S100A8: variants seen among roughly 807,000 people sequenced by gnomAD.
The protein encoded by S100A8 is S100 calcium binding protein A8, also known as protein S100-A8.
In S100A8, 1 loss-of-function variant was observed where a neutral mutation model predicts 4.2. That is an observed-to-expected ratio of 0.24 (90% confidence interval 0.08 to 1.12). The LOEUF (loss-of-function observed/expected upper bound fraction) is 1.12. S100A8 is among the 50% of genes most tolerant of loss of function. The pLI, the probability that S100A8 is intolerant of heterozygous loss-of-function variation, is 0.53. For synonymous variants in S100A8, 41 were observed against 44.7 expected, an observed-to-expected ratio of 0.92 and a Z score of 0.33; for missense variants, 96 against 111.8, an observed-to-expected ratio of 0.86 and a Z score of 0.64.
At chr1:153,417,925 CCATCA>C in the S100A8 span, 2 of 990,448 alleles carry the variant, frequency 2.0e-6, no homozygotes, top group Non-Finnish European at 2.8e-6. Context: ...ACAACTTATC[CCATCA>C]CATTTAAAAA....
upstream of S100A8, among the ~76,000 whole-genome samples, chr1:153,396,022 G>A (rs563278376): frequency 1.3e-3 from 202 of 152,320 alleles, no homozygotes; most frequent in African/African-American, 4.7e-3. Flanking sequence ...GTGAGTGAGT[G>A]ACCACAAGCG....
chr1:153,394,930 A>G (rs1290142840), upstream of S100A8, among the ~76,000 whole-genome samples: 3 of 152,162 alleles, frequency 2.0e-5, no homozygotes, highest in Non-Finnish European at 4.4e-5. Flanking sequence ...AGCTCAGGAC[A>G]CCGGTTCCCA....
At chr1:153,421,106 C>A in the S100A8 span, 1 of 152,196 alleles carries the variant, frequency 6.6e-6, no homozygotes, top group African/African-American at 2.4e-5. Context: ...GCGCAACATA[C>A]CCCCCATCAA....
At chr1:153,422,220 G>T in the S100A8 span, 2 of 152,250 alleles carry the variant, frequency 1.3e-5, no homozygotes, top group African/African-American at 4.8e-5. Context: ...GACCATCTCC[G>T]CAACCACAGC....
chr1:153,405,296 G>A, the S100A8 span, among the ~76,000 whole-genome samples: 1 of 150,028 alleles, frequency 6.7e-6, no homozygotes, highest in Non-Finnish European at 1.5e-5. Flanking sequence ...TAACAGAATT[G>A]ACAGTAAATC....
At chr1:153,419,600 C>T in the S100A8 span, 1 of 409,946 alleles carries the variant, frequency 2.4e-6, no homozygotes, top group Non-Finnish European at 4.4e-6. Flanking sequence ...TGGCAGGTTC[C>T]AGGTGGAAGT....
upstream of S100A8, chr1:153,391,285 C>T (rs1416510438): frequency 3.6e-6 from 3 of 831,964 alleles, no homozygotes; most frequent in Non-Finnish European, 4.3e-6. Flanking sequence ...GCAATAGTGC[C>T]CAGAAGGAAA....
At chr1:153,402,620 C>CTAA in the S100A8 span, among the ~76,000 whole-genome samples, 1 of 152,128 alleles carries the variant, frequency 6.6e-6, no homozygotes, top group African/African-American at 2.4e-5. Context: ...GGATGGGAAG[C>CTAA]CACTAAAAGT....
the S100A8 span, among the ~76,000 whole-genome samples, chr1:153,402,159 A>G: frequency 6.6e-6 from 1 of 152,196 alleles, no homozygotes; most frequent in African/African-American, 2.4e-5. Context: ...GCTGCTGGAG[A>G]GTGAGAAGAT....
the S100A8 span, among the ~76,000 whole-genome samples, chr1:153,412,574 G>A: frequency 5.1e-3 from 773 of 152,258 alleles, 2 homozygotes; most frequent in Non-Finnish European, 7.2e-3. Flanking sequence ...ACAGTGTGGC[G>A]ATTCCTCAAG....
At chr1:153,414,700 T>C in the S100A8 span, among the ~76,000 whole-genome samples, 2 of 152,334 alleles carry the variant, frequency 1.3e-5, no homozygotes, top group East Asian at 3.9e-4. Context: ...GAAGACAGTT[T>C]GGTGCTTTCT....
Position 153,390,493 on chromosome 1 carries a change from C to T in S100A8, c.43G>A (p.Val15Ile), listed in dbSNP as rs1420328367. 13 of 1,614,012 alleles carry T rather than the reference C, an allele frequency of 8.1e-6. No individual in the cohort carries two copies. Among genetic ancestry groups the T allele is most frequent in the South Asian group, 4.4e-5 (4 of 91,090 alleles). ...TTTATCAGGGAGTACTTGTGGTAGA[C>T]GTCGATGATAGAGTTCAAGGCTTTC... is the stretch of plus-strand genomic sequence containing the variant. ...LEKALNSIID[V>I]YHKYSLIKGN... The change falls in exon 2 of 3, where the codon GTC becomes ATC. Residue 15 changes from valine (V) to isoleucine (I), a missense_variant. Physicochemically the swap from Val to Ile is conservative, Grantham distance 29 (BLOSUM62 3). Transcript: ENST00000368733.
chr1:153,391,663 C>CT (rs1662101449), upstream of S100A8, among the ~76,000 whole-genome samples: 1 of 152,150 alleles, frequency 6.6e-6, no homozygotes, highest in African/African-American at 2.4e-5. Context: ...TTGCCAAGGG[C>CT]TATATCCATT....
the S100A8 span, chr1:153,396,538 C>T: frequency 6.5e-6 from 1 of 152,822 alleles, no homozygotes; most frequent in South Asian, 2.1e-4. Flanking sequence ...ATATCAAGGT[C>T]ACACCTCCTC....
At chr1:153,407,940 G>T in the S100A8 span, among the ~76,000 whole-genome samples, 1 of 152,144 alleles carries the variant, frequency 6.6e-6, no homozygotes, top group Non-Finnish European at 1.5e-5. Context: ...CAAACAGAAA[G>T]GACATCCACG....
At chr1:153,419,359 C>G in the S100A8 span, 1 of 1,545,178 alleles carries the variant, frequency 6.5e-7, no homozygotes, top group Non-Finnish European at 8.8e-7. Context: ...ATAAGTGTCT[C>G]CTCCCACCAG....
chr1:153,390,423 A>G lies in S100A8; in HGVS notation c.113T>C (p.Leu38Pro), dbSNP rs1401150631. The G allele has an allele frequency of 1.2e-6, 2 of 1,614,180 alleles. No individual in the cohort carries two copies. The stretch of plus-strand genomic sequence containing the variant: ...GATATACTGAGGACACTCGGTCTCT[A>G]GCAATTTCTTCAGGTCATCCCTGTA... Reference protein sequence around the residue: ...AVYRDDLKKLLETECPQYIRK... With the variant: ...AVYRDDLKKLPETECPQYIRK... The change falls in exon 2 of 3, where the codon CTA (leucine) becomes CCA (proline). Residue 38 changes from leucine (L) to proline (P), a missense_variant. Leu to Pro is a moderately conservative substitution (Grantham distance 98). Transcript: ENST00000368733.
chr1:153,399,182 G>C, the S100A8 span, among the ~76,000 whole-genome samples: 1 of 152,060 alleles, frequency 6.6e-6, no homozygotes, highest in Non-Finnish European at 1.5e-5. Flanking sequence ...TGTGAGCCGC[G>C]AACCCACCAC....
rs750718590 is a variant in S100A8, at chr1:153,390,196, A to G, written c.189T>C (p.Asp63=). The change falls in exon 3 of 3, where the codon GAT becomes GAC. Residue 63 remains aspartate (D), a synonymous_variant. Coordinates refer to ENST00000368733, the MANE Select transcript of S100A8 (RefSeq NM_002964.5). ...VWFKELDINT[D]GAVNFQEFLI... The stretch of plus-strand genomic sequence containing the variant: ...GGAACTCCTGGAAGTTAACTGCACC[A>G]TCAGTGTTGATATCCAACTCTTTGA... 1 of 1,614,086 alleles carries G rather than the reference A, an allele frequency of 6.2e-7. No individual in the cohort carries two copies. Among genetic ancestry groups the G allele is most frequent in the South Asian group, 1.1e-5 (1 of 91,082 alleles).
Sources: gnomAD v4.1 joint callset for allele counts (sites outside exome capture counted in the v4.1 genomes callset) on GRCh38, gnomAD v4.1.1 for gene constraint, MANE v1.5 for transcripts, NCBI Gene and HGNC (gene_info 2026-07-23, HGNC 2026-07-21) for gene names.